KCNN2: variants seen among roughly 807,000 people sequenced by gnomAD.
KCNN2 encodes small conductance calcium-activated potassium channel protein 2.
Under a neutral mutation model 55.5 loss-of-function variants are expected in KCNN2, and 24 were observed. The observed-to-expected ratio is 0.43, with a 90% confidence interval of 0.31 to 0.61. KCNN2 has a LOEUF of 0.61. KCNN2 is among the 20% of genes least tolerant of loss of function. The pLI is 0.08. For synonymous variants in KCNN2, 431 were observed against 336.1 expected, an observed-to-expected ratio of 1.28 and a Z score of -3.09; for missense variants, 754 against 853.6, an observed-to-expected ratio of 0.88 and a Z score of 1.45.
intron 2 of KCNN2, among the ~76,000 whole-genome samples, chr5:114,325,555 G>C (rs936516138): frequency 1.3e-5 from 2 of 152,154 alleles, no homozygotes; most frequent in African/African-American, 4.8e-5. Context: ...AATTAAACCA[G>C]GAGTGTTTAG....
At chr5:114,320,312 T>A (rs566648272) in intron 2 of KCNN2, among the ~76,000 whole-genome samples, 2 of 151,968 alleles carry the variant, frequency 1.3e-5, no homozygotes, top group African/African-American at 4.8e-5. Context: ...TTAGTCCAAT[T>A]TAAAGAAAAC....
chr5:114,310,659 C>T (rs1236156157), intron 2 of KCNN2, among the ~76,000 whole-genome samples: 5 of 152,036 alleles, frequency 3.3e-5, no homozygotes, highest in African/African-American at 1.2e-4. Flanking sequence ...GACATAGGAA[C>T]TGTGACTGTA....
chr5:114,220,381 A>G (rs949235859), intron 1 of KCNN2, among the ~76,000 whole-genome samples: 3 of 152,136 alleles, frequency 2.0e-5, no homozygotes, highest in Non-Finnish European at 1.5e-5. Flanking sequence ...AGGAGAGAGG[A>G]AAAAATCTAA....
At chr5:114,173,273 G>A (rs940034735) in intron 1 of KCNN2, among the ~76,000 whole-genome samples, 4 of 151,674 alleles carry the variant, frequency 2.6e-5, no homozygotes, top group African/African-American at 7.3e-5. Context: ...TTCTCTATTC[G>A]GTTCCATTGA....
intron 1 of KCNN2, among the ~76,000 whole-genome samples, chr5:114,092,151 C>T (rs2087153): frequency 0.027 from 4,088 of 152,164 alleles, 183 homozygotes; most frequent in African/African-American, 0.092. Flanking sequence ...TATAATTGAG[C>T]GGGGGTGGGT....
chr5:114,285,128 A>G (rs886097564), intron 2 of KCNN2, among the ~76,000 whole-genome samples: 1 of 151,238 alleles, frequency 6.6e-6, no homozygotes, highest in Non-Finnish European at 1.5e-5. Context: ...TAAAAAATGT[A>G]AAAAAATTAG....
At chr5:114,384,816 T>G (rs971433092) in intron 2 of KCNN2, among the ~76,000 whole-genome samples, 6 of 152,128 alleles carry the variant, frequency 3.9e-5, no homozygotes, top group Non-Finnish European at 2.9e-5. Context: ...ATTCATCCAG[T>G]CTGCCATGAC....
In KCNN2 at chr5:114,338,119, C is replaced by T. The variant is rs189023430; in HGVS notation, c.-184-22826C>T. Among the ~76,000 whole-genome samples, 219 of 152,306 alleles carry T rather than the reference C, an allele frequency of 1.4e-3. 1 individual carries two copies. The highest frequency in any genetic ancestry group is 2.4e-3 in the Admixed American group (36 of 15,308). On this transcript the variant is annotated intron_variant, in intron 2 of 10. Transcript: ENST00000512097. ...CGTTTTTTAAGGTGCATTAAGCCAACATTGTGCTTTAACATCTATATTTTA... is the reference window on the plus strand; with the variant it reads ...CGTTTTTTAAGGTGCATTAAGCCAATATTGTGCTTTAACATCTATATTTTA...
At chr5:114,475,568 T>C (rs1761927570) in intron 5 of KCNN2, among the ~76,000 whole-genome samples, 1 of 152,230 alleles carries the variant, frequency 6.6e-6, no homozygotes, top group South Asian at 2.1e-4. Context: ...TAAATATGGT[T>C]GTCATGCTAT....
chr5:114,481,583 C>T (rs369976453), intron 5 of KCNN2, among the ~76,000 whole-genome samples: 19 of 152,062 alleles, frequency 1.2e-4, no homozygotes, highest in African/African-American at 4.6e-4. Flanking sequence ...GTTGGAGTTG[C>T]CAAGACAATC....
chr5:114,222,508 G>A lies in KCNN2; in HGVS notation c.-185+943G>A, dbSNP rs547800105. On this transcript the variant is annotated intron_variant, in intron 2 of 10. Coordinates refer to the KCNN2 transcript ENST00000512097. ...GTCATTAGGGGATTGATATGTGAAT[G>A]ACAGTGCTCAAGAATGGCAAACTGC... Among the ~76,000 whole-genome samples, 35 of 152,300 alleles carry A rather than the reference G, an allele frequency of 2.3e-4. No individual in the cohort carries two copies. In the South Asian group the frequency reaches 6.2e-3, roughly 27 times the overall value.
intron 2 of KCNN2, among the ~76,000 whole-genome samples, chr5:114,226,464 T>C (rs557993036): frequency 1.3e-5 from 2 of 152,334 alleles, no homozygotes; most frequent in South Asian, 4.1e-4. Flanking sequence ...GTCATAACCA[T>C]CACTTGAGGT....
At chr5:114,290,763 C>T (rs1401915937) in intron 2 of KCNN2, among the ~76,000 whole-genome samples, 1 of 151,968 alleles carries the variant, frequency 6.6e-6, no homozygotes, top group African/African-American at 2.4e-5. Context: ...TACTGTATTC[C>T]CTAAGTTTCT....
chr5:114,148,879 T>C (rs562691530), intron 1 of KCNN2, among the ~76,000 whole-genome samples: 1 of 152,128 alleles, frequency 6.6e-6, no homozygotes, highest in Admixed American at 6.5e-5. Context: ...CGGCTCACCA[T>C]CCGTGTTAAC....
chr5:114,247,193 ATATGTCTCC>A (rs1754764170), intron 2 of KCNN2, among the ~76,000 whole-genome samples: 1 of 128,652 alleles, frequency 7.8e-6, no homozygotes, highest in Non-Finnish European at 1.6e-5. Context: ...GCATGGTACC[ATATGTCTCC>A]AAAAAAAAAA....
intron 6 of KCNN2, among the ~76,000 whole-genome samples, chr5:114,489,879 A>G (rs867883690): frequency 1.3e-5 from 2 of 152,146 alleles, no homozygotes; most frequent in Admixed American, 6.5e-5. Context: ...GTTAAAATTC[A>G]TTCGATAGAT....
chr5:114,401,734 G>A (rs1426102019), intron 2 of KCNN2, among the ~76,000 whole-genome samples: 5 of 152,142 alleles, frequency 3.3e-5, no homozygotes, highest in Non-Finnish European at 7.4e-5. Flanking sequence ...GACTTTCCAG[G>A]CCATGGGACA....
intron 2 of KCNN2, among the ~76,000 whole-genome samples, chr5:114,392,470 T>C (rs1758475037): frequency 6.6e-6 from 1 of 152,186 alleles, no homozygotes; most frequent in Non-Finnish European, 1.5e-5. Context: ...ACAGGGTTGC[T>C]GGAATGGGCA....
chr5:114,293,772 A>G (rs150719672), intron 2 of KCNN2, among the ~76,000 whole-genome samples: 1 of 152,210 alleles, frequency 6.6e-6, no homozygotes, highest in African/African-American at 2.4e-5. Flanking sequence ...GAATGGTACC[A>G]GTTCCTCCTT....
Sources: gnomAD v4.1 joint callset for allele counts (sites outside exome capture counted in the v4.1 genomes callset) on GRCh38, gnomAD v4.1.1 for gene constraint, MANE v1.5 for transcripts, NCBI Gene and HGNC (gene_info 2026-07-23, HGNC 2026-07-21) for gene names.